DIP2B: variants seen among roughly 807,000 people sequenced by gnomAD.
DIP2B encodes the protein DIP2 acetate--CoA ligase B (putative).
In DIP2B, 76 loss-of-function variants were observed where a neutral mutation model predicts 198.0. That is an observed-to-expected ratio of 0.38 (90% CI 0.32 to 0.46). The LOEUF is 0.46. DIP2B is among the 20% of genes least tolerant of loss of function. The pLI is 0.99. For synonymous variants in DIP2B, 701 were observed against 739.1 expected (o/e 0.95, Z 0.84); for missense variants, 1,559 against 1,978.4 (o/e 0.79, Z 4.02).
intron 2 of DIP2B, 74 bp downstream of exon 2, chr12:50,626,121 C>G: frequency 6.8e-7 from 1 of 1,477,778 alleles, no homozygotes; most frequent in Non-Finnish European, 9.4e-7. Flanking sequence ...AGACCTCTAT[C>G]TTTTGTTTGT....
intron 1 of DIP2B, among the ~76,000 whole-genome samples, chr12:50,581,123 A>G (rs1372658331): frequency 2.7e-5 from 4 of 149,426 alleles, no homozygotes; most frequent in African/African-American, 4.9e-5. Context: ...CATTTGTGCT[A>G]TAGGTCATGC....
At chr12:50,555,608 C>G (rs1958463710) in intron 1 of DIP2B, among the ~76,000 whole-genome samples, 1 of 152,122 alleles carries the variant, frequency 6.6e-6, no homozygotes, top group Non-Finnish European at 1.5e-5. Context: ...CCTCTCTTCT[C>G]ACTTTTTATC....
intron 3 of DIP2B, among the ~76,000 whole-genome samples, chr12:50,657,774 T>C (rs1300787600): frequency 6.6e-6 from 1 of 151,934 alleles, no homozygotes; most frequent in African/African-American, 2.4e-5. Flanking sequence ...AATATCAAGA[T>C]AATAAAAGGC....
At chr12:50,722,341 C>T (rs943066821) in intron 26 of DIP2B, among the ~76,000 whole-genome samples, 1 of 151,820 alleles carries the variant, frequency 6.6e-6, no homozygotes, top group African/African-American at 2.4e-5. Context: ...GCAACCTCCG[C>T]CTCCCTGGTT....
chr12:50,613,841 A>C (rs899763499), intron 1 of DIP2B, among the ~76,000 whole-genome samples: 1 of 152,210 alleles, frequency 6.6e-6, no homozygotes, highest in Non-Finnish European at 1.5e-5. Context: ...ATGCTGGAAG[A>C]AACTATAAAC....
At chr12:50,713,181 C>CA (rs1474975360) in intron 22 of DIP2B, among the ~76,000 whole-genome samples, 1 of 152,178 alleles carries the variant, frequency 6.6e-6, no homozygotes, top group Admixed American at 6.5e-5. Context: ...TTCCTGAACT[C>CA]AAACTGTCTT....
intron 5 of DIP2B, among the ~76,000 whole-genome samples, chr12:50,672,117 CT>C (rs1262070449): frequency 2.0e-5 from 3 of 151,920 alleles, no homozygotes; most frequent in South Asian, 2.1e-4. Flanking sequence ...ATATCTTTCC[CT>C]TTTTTTTCTT....
intron 34 of DIP2B, among the ~76,000 whole-genome samples, chr12:50,736,481 C>T (rs147672127): frequency 1.3e-5 from 2 of 152,174 alleles, no homozygotes; most frequent in African/African-American, 2.4e-5. Context: ...GAGCCATTCC[C>T]TCAGCCAGCG....
At chr12:50,730,688 C>A (rs1282775598) in intron 30 of DIP2B, among the ~76,000 whole-genome samples, 1 of 152,312 alleles carries the variant, frequency 6.6e-6, no homozygotes, top group East Asian at 1.9e-4. Flanking sequence ...TGCCTGGCCA[C>A]TTGAATACTA....
rs1260724512 is a variant in DIP2B, at chr12:50,745,121, A to G, written c.*282A>G. On this transcript the variant is annotated 3_prime_UTR_variant, in exon 38 of 38. Transcript: ENST00000301180. ...ATGTTGCATTTTTTTCATCTGTTGTACATAGTTGTATTTTTATCTAATGCC... is the reference window on the plus strand; with the variant it reads ...ATGTTGCATTTTTTTCATCTGTTGTGCATAGTTGTATTTTTATCTAATGCC... 5.1e-6 allele frequency: 2 copies of G among 395,212 alleles called. No homozygotes were observed. Among genetic ancestry groups the G allele is most frequent in the Non-Finnish European group, 9.4e-6 (2 of 213,874 alleles). 24.5% of individuals were successfully genotyped at this position (395,212 alleles called of 1,614,324 possible). A position where few individuals can be genotyped will look rare whatever the true frequency, so the allele number is the denominator to read the frequency against.
chr12:50,698,647 G>A (rs895534570), intron 18 of DIP2B, among the ~76,000 whole-genome samples, 180 bp downstream of exon 18: 4 of 152,202 alleles, frequency 2.6e-5, no homozygotes, highest in Admixed American at 2.0e-4. Context: ...CAGCAGTATT[G>A]TATGACTTAC....
intron 34 of DIP2B, 25 bp from the exon 35 acceptor site, chr12:50,737,011 T>G (rs1299483664): frequency 6.2e-7 from 1 of 1,610,574 alleles, no homozygotes; most frequent in South Asian, 1.1e-5. Flanking sequence ...GAACTCAATC[T>G]TTGTATTTTC....
rs199552190 is a variant in DIP2B at position 50,568,949 on chromosome 12, AT to A, written c.101-57016del. On this transcript the variant is annotated intron_variant, in intron 1 of 37. Transcript: ENST00000301180. ...TTTGTTTTCAAGTGCTTTATTCATC[AT>A]TTTTTTTTTTGTCCGTAAGAATTCT... Among the ~76,000 whole-genome samples, 501 of 145,388 alleles carry A rather than the reference AT, an allele frequency of 3.4e-3. 2 individuals are homozygous for A. The highest frequency in any genetic ancestry group is 0.011 in the Middle Eastern group (3 of 278).
chr12:50,662,055 G>T (rs1299023793), intron 4 of DIP2B, among the ~76,000 whole-genome samples: 1 of 152,110 alleles, frequency 6.6e-6, no homozygotes, highest in African/African-American at 2.4e-5. Context: ...TTAACTATAG[G>T]CCTCTGTATT....
intron 4 of DIP2B, among the ~76,000 whole-genome samples, chr12:50,665,200 C>T (rs1284993782): frequency 1.3e-5 from 2 of 152,042 alleles, no homozygotes; most frequent in Non-Finnish European, 2.9e-5. Flanking sequence ...TCCTTTTAAC[C>T]TACTTTAATA....
chr12:50,573,118 C>T (rs1229398310), intron 1 of DIP2B, among the ~76,000 whole-genome samples: 1 of 152,180 alleles, frequency 6.6e-6, no homozygotes, highest in Admixed American at 6.5e-5. Flanking sequence ...CCTTTTTAGG[C>T]ATCCCCTTAA....
At position 50,742,613 on chromosome 12, in the gene DIP2B, C is replaced by T. The variant is rs975722497; in HGVS notation, c.4478+1074C>T. ...CTTCTTTGTCTAAAAATGCTCTTGT[C>T]GGCCGGAAGTGGTGGCTCACGCCTA... On this transcript the variant is annotated intron_variant, in intron 37 of 37. Coordinates refer to ENST00000301180, the MANE Select transcript of DIP2B (RefSeq NM_173602.3). Among the ~76,000 whole-genome samples, 6 of 151,920 alleles carry T rather than the reference C, an allele frequency of 3.9e-5. 1 individual carries two copies. Among genetic ancestry groups the T allele is most frequent in the Middle Eastern group, 3.4e-3 (1 of 294 alleles).
intron 1 of DIP2B, among the ~76,000 whole-genome samples, chr12:50,567,905 T>A (rs114972492): frequency 0.04 from 6,082 of 152,262 alleles, 404 homozygotes; most frequent in African/African-American, 0.14. Flanking sequence ...CAAGAATTGG[T>A]CATATTTTCT....
chr12:50,698,402 G>A lies in DIP2B; in HGVS notation c.2123G>A (p.Arg708Gln), dbSNP rs754809089. The stretch of plus-strand genomic sequence containing the variant: ...AATGGATTGAGCTATGGGGTAATAC[G>A]GGTCAATACTGAAGATAAAAATTCA... ...SMNGLSYGVI[R>Q]VNTEDKNSAL... Residue 708 changes from arginine (R) to glutamine (Q), a missense_variant, in exon 18 of 38, where the codon CGG becomes CAG. Physicochemically the swap from Arg to Gln is conservative, Grantham distance 43. Coordinates refer to ENST00000301180, the MANE Select transcript of DIP2B (RefSeq NM_173602.3). 9 of 1,613,646 alleles carry A rather than the reference G, an allele frequency of 5.6e-6. No homozygotes were observed. The highest frequency in any genetic ancestry group is 2.2e-5 in the South Asian group (2 of 91,036).
Sources: gnomAD v4.1 joint callset for allele counts (sites outside exome capture counted in the v4.1 genomes callset) on GRCh38, gnomAD v4.1.1 for gene constraint, MANE v1.5 for transcripts, NCBI Gene and HGNC (gene_info 2026-07-23, HGNC 2026-07-21) for gene names.